ESYT2: variants seen among roughly 807,000 people sequenced by gnomAD.
The protein encoded by ESYT2 is extended synaptotagmin-2.
Under a neutral mutation model 107.2 loss-of-function variants are expected in ESYT2, and 54 were observed. The observed-to-expected ratio is 0.50, with a 90% CI of 0.40 to 0.63. ESYT2 has a LOEUF of 0.63. ESYT2 is among the 30% of genes least tolerant of loss of function. The pLI, the probability that ESYT2 is intolerant of heterozygous loss-of-function variation, is 0.00. For missense variants in ESYT2, 1,020 were observed against 1,094.5 expected (o/e 0.93, Z 0.96); for synonymous variants, 491 against 434.1 (o/e 1.13, Z -1.63).
intron 16 of ESYT2, 105 bp downstream of exon 16, chr7:158,748,089 G>C: frequency 1.0e-6 from 1 of 995,082 alleles, no homozygotes; most frequent in East Asian, 2.6e-5. Flanking sequence ...CCTGATTCTG[G>C]CGATGGATCC....
intron 1 of ESYT2, among the ~76,000 whole-genome samples, chr7:158,807,692 C>T (rs1228758490): frequency 6.6e-6 from 1 of 152,172 alleles, no homozygotes. Flanking sequence ...ATATCTGGGG[C>T]ACTTACGGGC....
At chr7:158,824,517 A>G (rs1840383100) in intron 1 of ESYT2, among the ~76,000 whole-genome samples, 1 of 152,226 alleles carries the variant, frequency 6.6e-6, no homozygotes, top group South Asian at 2.1e-4. Context: ...TATTTTTGCT[A>G]GAGTTAAATT....
At chr7:158,753,324 G>A (rs543947718) in intron 13 of ESYT2, among the ~76,000 whole-genome samples, 48 of 152,322 alleles carry the variant, frequency 3.2e-4, no homozygotes, top group African/African-American at 1.1e-3. Flanking sequence ...CCCAGCAGAG[G>A]AGCTGCTCCT....
intron 18 of ESYT2, among the ~76,000 whole-genome samples, 167 bp downstream of exon 18, chr7:158,741,355 GA>G (rs1483323629): frequency 1.3e-5 from 2 of 152,206 alleles, no homozygotes; most frequent in African/African-American, 4.8e-5. Flanking sequence ...GAGATGCAGT[GA>G]GCAAAACGGC....
At chr7:158,743,477 C>CA in intron 17 of ESYT2, 52 bp downstream of exon 17, 4 of 1,565,120 alleles carry the variant, frequency 2.6e-6, no homozygotes, top group East Asian at 2.4e-5. Context: ...GTATCCCTGC[C>CA]AGCACCCGCC....
intron 1 of ESYT2, among the ~76,000 whole-genome samples, chr7:158,804,804 C>T (rs1190787899): frequency 4.0e-5 from 6 of 151,634 alleles, no homozygotes; most frequent in Middle Eastern, 3.2e-3. Context: ...AAAGGTGAGG[C>T]GCGTGAAAAA....
At position 158,733,519 on chromosome 7, in the gene ESYT2, T is replaced by A. The variant is rs1836813361; in HGVS notation, c.*688A>T. ...TAATGTGATTTATGAACCATGACAA[T>A]TCTCTTAATATATTACTCAGTTATA... On this transcript the variant is annotated 3_prime_UTR_variant, in exon 23 of 23. Transcript: ENST00000275418. 1 of 152,194 alleles carries A rather than the reference T, an allele frequency of 6.6e-6. No homozygotes were observed. Among genetic ancestry groups the A allele is most frequent in the African/African-American group, 2.4e-5 (1 of 41,454 alleles). The allele number at this position is 152,194 out of a possible 1,614,324, so 9.4% of individuals were successfully genotyped here.
chr7:158,782,180 T>C (rs1261684554), intron 6 of ESYT2, among the ~76,000 whole-genome samples: 4 of 144,906 alleles, frequency 2.8e-5, no homozygotes, highest in African/African-American at 1.0e-4. Context: ...GAGGTGTGAG[T>C]GTGAAAGAAC....
chr7:158,743,629 A>AG lies in ESYT2; in HGVS notation c.1693dup (p.Leu565ProfsTer8), dbSNP rs1427186643. The AG allele has an allele frequency of 1.9e-6, 3 of 1,613,560 alleles. No homozygotes were observed. The Admixed American group carries it at 5.0e-5, about 27-fold the overall frequency. On this transcript the variant is annotated frameshift_variant, in exon 17 of 23. Transcript: ENST00000275418. Reference sequence around the variant, plus strand: ...GTCCTCACTGGTGAGCAGCTGGCTGAGGGGGACCTTCAGGTTCCCCAGGGA... The same window carrying AG: ...GTCCTCACTGGTGAGCAGCTGGCTGAGGGGGGACCTTCAGGTTCCCCAGGGA...
In ESYT2 at chr7:158,756,711, CCAGCCTGGT is replaced by C. The variant is rs1256841770; in HGVS notation, c.1419+2766_1419+2774del. On this transcript the variant is annotated intron_variant, in intron 13 of 22. Coordinates refer to ENST00000275418, the MANE Select transcript of ESYT2 (RefSeq NM_001367773.1). ...ACTGCCTGAGATCAGGAGTTGGAGA[CCAGCCTGGT>C]CAGCATGGTGAAACCCTGTCTCTAC... Among the ~76,000 whole-genome samples, 14 of 151,884 alleles carry C rather than the reference CCAGCCTGGT, an allele frequency of 9.2e-5. No homozygotes were observed. The East Asian group carries it at 2.5e-3, about 27-fold the overall frequency.
intron 6 of ESYT2, among the ~76,000 whole-genome samples, chr7:158,786,531 C>T (rs60827888): frequency 0.13 from 19,396 of 152,048 alleles, 1,867 homozygotes; most frequent in East Asian, 0.43. Context: ...AGTTTTTGGA[C>T]GTTCCCATGT....
intron 1 of ESYT2, among the ~76,000 whole-genome samples, chr7:158,799,965 C>T (rs1000791645): frequency 9.2e-5 from 14 of 152,090 alleles, no homozygotes; most frequent in Non-Finnish European, 2.9e-5. Context: ...CTTTTCTATG[C>T]GTTTATAAGC....
chr7:158,802,580 T>C (rs1839677258), intron 1 of ESYT2, among the ~76,000 whole-genome samples: 1 of 152,166 alleles, frequency 6.6e-6, no homozygotes, highest in South Asian at 2.1e-4. Context: ...CACACCAGGC[T>C]GATATAAGCA....
intron 19 of ESYT2, 103 bp downstream of exon 19, chr7:158,738,920 C>G (rs1837085077): frequency 4.2e-6 from 5 of 1,183,054 alleles, no homozygotes; most frequent in Non-Finnish European, 4.9e-6. Context: ...CTAAATGAAA[C>G]ATAAATGGAT....
chr7:158,739,308 G>A (rs1156667071), intron 18 of ESYT2, among the ~76,000 whole-genome samples, 187 bp from the exon 19 acceptor site: 1 of 152,126 alleles, frequency 6.6e-6, no homozygotes, highest in African/African-American at 2.4e-5. Context: ...TTACTTGAGG[G>A]TTCAATATAA....
At chr7:158,805,166 G>T (rs981437177) in intron 1 of ESYT2, among the ~76,000 whole-genome samples, 2 of 152,210 alleles carry the variant, frequency 1.3e-5, no homozygotes, top group Non-Finnish European at 2.9e-5. Flanking sequence ...ATATAATTTG[G>T]TACCAACACA....
At chr7:158,794,451 G>T (rs1286052597) in intron 3 of ESYT2, among the ~76,000 whole-genome samples, 1 of 152,206 alleles carries the variant, frequency 6.6e-6, no homozygotes, top group African/African-American at 2.4e-5. Context: ...CTATGATTGT[G>T]CCACTGCACT....
At chr7:158,773,228 C>A (rs1027587765) in intron 7 of ESYT2, 113 bp downstream of exon 7, 16 of 1,128,252 alleles carry the variant, frequency 1.4e-5, no homozygotes, top group South Asian at 2.5e-5. Flanking sequence ...GGAGAAGGCA[C>A]CCATTCACCT....
intron 1 of ESYT2, among the ~76,000 whole-genome samples, chr7:158,821,277 A>T (rs1409700431): frequency 6.6e-6 from 1 of 152,220 alleles, no homozygotes; most frequent in African/African-American, 2.4e-5. Context: ...AAAGAACAGG[A>T]GGTGACTCAG....
Sources: allele counts gnomAD v4.1 joint callset (sites outside exome capture counted in the v4.1 genomes callset), GRCh38; gene constraint gnomAD v4.1.1; transcripts MANE v1.5; gene names NCBI Gene and HGNC (gene_info 2026-07-23, HGNC 2026-07-21).